The following RPS6KA5 variants were observed in gnomAD, a reference collection of about 807,000 sequenced individuals.
The protein encoded by RPS6KA5 is ribosomal protein S6 kinase alpha-5.
In RPS6KA5, 27 loss-of-function variants were observed where a neutral mutation model predicts 85.5. That is an observed-to-expected ratio of 0.32 (90% CI 0.23 to 0.44). The LOEUF (loss-of-function observed/expected upper bound fraction) is 0.44. Among genes scored for constraint, RPS6KA5 ranks in the 20% least tolerant of loss-of-function variants. The pLI is 1.00. For synonymous variants in RPS6KA5, 334 were observed against 348.2 expected, an observed-to-expected ratio of 0.96 and a Z score of 0.46; for missense variants, 811 against 980.9, an observed-to-expected ratio of 0.83 and a Z score of 2.31.
chr14:90,959,581 C>T (rs987393001), intron 3 of RPS6KA5, among the ~76,000 whole-genome samples: 1 of 152,106 alleles, frequency 6.6e-6, no homozygotes, highest in African/African-American at 2.4e-5. Flanking sequence ...TTGGAAGGGG[C>T]TATCCAGAGT....
intron 2 of RPS6KA5, among the ~76,000 whole-genome samples, chr14:90,999,769 C>T (rs2040700970): frequency 6.6e-6 from 1 of 152,190 alleles, no homozygotes; most frequent in Non-Finnish European, 1.5e-5. Flanking sequence ...AAACATGGGG[C>T]TCTTCTACAT....
At chr14:90,944,404 C>G (rs2037757814) in intron 4 of RPS6KA5, among the ~76,000 whole-genome samples, 1 of 151,644 alleles carries the variant, frequency 6.6e-6, no homozygotes, top group Non-Finnish European at 1.5e-5. Context: ...TCACTTGAAT[C>G]TGGGAGTTCA....
chr14:91,014,933 G>A (rs1254271347), intron 1 of RPS6KA5, among the ~76,000 whole-genome samples: 1 of 152,152 alleles, frequency 6.6e-6, no homozygotes, highest in African/African-American at 2.4e-5. Context: ...ATTTCCAAAT[G>A]AAGATGCCAA....
chr14:90,889,672 A>G (rs2034442708), intron 14 of RPS6KA5, among the ~76,000 whole-genome samples: 1 of 152,348 alleles, frequency 6.6e-6, no homozygotes, highest in African/African-American at 2.4e-5. Flanking sequence ...AAATGGTTAC[A>G]TAAGTTTCAG....
chr14:91,054,219 C>T (rs1227002340), intron 1 of RPS6KA5, among the ~76,000 whole-genome samples: 1 of 151,832 alleles, frequency 6.6e-6, no homozygotes, highest in African/African-American at 2.4e-5. Flanking sequence ...CTAAATGTAA[C>T]AGCTAAAGCC....
chr14:90,878,693 T>C (rs950743041), intron 14 of RPS6KA5, among the ~76,000 whole-genome samples: 1 of 152,220 alleles, frequency 6.6e-6, no homozygotes, highest in African/African-American at 2.4e-5. Context: ...AGGGACATAA[T>C]GAAACATCCT....
In RPS6KA5 at chr14:91,055,445, TCAA is replaced by T. The variant is rs960468257; in HGVS notation, c.103+4884_103+4886del. Among the ~76,000 whole-genome samples the T allele has an allele frequency of 5.5e-4, 84 of 152,232 alleles. 1 individual carries two copies. The highest frequency in any genetic ancestry group is 1.8e-3 in the African/African-American group (76 of 41,548). ...TATCTATACAATGGAACACAATTTATCAACAACAACAACAAAATGAAGTACTGA... is the reference window on the plus strand; with the variant it reads ...TATCTATACAATGGAACACAATTTATCAACAACAACAAAATGAAGTACTGA... On this transcript the variant is annotated intron_variant, in intron 1 of 16. Coordinates refer to ENST00000614987, the MANE Select transcript of RPS6KA5 (RefSeq NM_004755.4).
At chr14:91,000,127 C>A (rs1001130179) in intron 2 of RPS6KA5, among the ~76,000 whole-genome samples, 4 of 152,138 alleles carry the variant, frequency 2.6e-5, no homozygotes, top group Admixed American at 1.3e-4. Context: ...TTTCTGCATA[C>A]AAATATACAC....
chr14:91,048,290 T>G (rs1411494665), intron 1 of RPS6KA5, among the ~76,000 whole-genome samples: 1 of 152,218 alleles, frequency 6.6e-6, no homozygotes, highest in African/African-American at 2.4e-5. Flanking sequence ...AAATTCACTT[T>G]CTATATTCCA....
At position 90,868,383 on chromosome 14, in the gene RPS6KA5, T is replaced by C. The variant is rs927862520; in HGVS notation, c.*3691A>G. The C allele has an allele frequency of 5.3e-5, 8 of 152,156 alleles. No homozygotes were observed. The highest frequency in any genetic ancestry group is 1.7e-4 in the African/African-American group (7 of 41,432). The allele number at this position is 152,156 out of a possible 1,614,324, so 9.4% of individuals were successfully genotyped here. ...ATACAATCAATTAAAGACTGGAAAT[T>C]GGGGTATTATCATGTAAGACATTTG... is the stretch of plus-strand genomic sequence containing the variant. On this transcript the variant is annotated 3_prime_UTR_variant, in exon 17 of 17. Transcript: ENST00000614987.
chr14:90,875,172 T>C (rs1325545422), intron 15 of RPS6KA5, 29 bp downstream of exon 15: 1 of 1,596,898 alleles, frequency 6.3e-7, no homozygotes, highest in Non-Finnish European at 8.5e-7. Context: ...ACACATCATA[T>C]AAAATGTAAA....
intron 3 of RPS6KA5, among the ~76,000 whole-genome samples, chr14:90,951,390 G>A (rs2140383943): frequency 6.6e-6 from 1 of 151,574 alleles, no homozygotes; most frequent in South Asian, 2.1e-4. Context: ...GGAGGCTGAG[G>A]CAGGAGAATG....
chr14:91,017,108 A>G (rs577166140), intron 1 of RPS6KA5, among the ~76,000 whole-genome samples: 3 of 152,278 alleles, frequency 2.0e-5, no homozygotes, highest in Non-Finnish European at 4.4e-5. Flanking sequence ...ATGGACTTCT[A>G]CTCACCAAGG....
At chr14:90,996,221 G>A (rs1482872405) in intron 2 of RPS6KA5, among the ~76,000 whole-genome samples, 1 of 146,874 alleles carries the variant, frequency 6.8e-6, no homozygotes, top group Admixed American at 6.8e-5. Context: ...TTTTTCAGTA[G>A]AGATGAAGTC....
At chr14:90,898,731 A>C (rs903181643) in intron 12 of RPS6KA5, among the ~76,000 whole-genome samples, 1 of 152,194 alleles carries the variant, frequency 6.6e-6, no homozygotes, top group Non-Finnish European at 1.5e-5. Flanking sequence ...AGGTGAACAG[A>C]CACGAACTGG....
chr14:90,923,268 C>G (rs756723229), intron 5 of RPS6KA5, 72 bp from the exon 6 acceptor site: 2 of 1,202,638 alleles, frequency 1.7e-6, no homozygotes, highest in South Asian at 2.4e-5. Context: ...GAAAGTAATA[C>G]ATGTTAGTGG....
At chr14:90,965,349 G>A (rs1014831945) in intron 3 of RPS6KA5, among the ~76,000 whole-genome samples, 1 of 152,136 alleles carries the variant, frequency 6.6e-6, no homozygotes, top group African/African-American at 2.4e-5. Context: ...ACTACAGCCT[G>A]AGCGACAGAG....
chr14:91,003,036 A>G (rs2040852969), intron 1 of RPS6KA5, among the ~76,000 whole-genome samples: 1 of 152,220 alleles, frequency 6.6e-6, no homozygotes, highest in African/African-American at 2.4e-5. Context: ...AGCCAAACTC[A>G]TAAGAGACAA....
rs769535940 is a variant in RPS6KA5 at position 90,873,670 on chromosome 14, C to T, written c.2122G>A (p.Gly708Arg). 8.7e-6 allele frequency: 14 copies of T among 1,614,126 alleles called. No individual in the cohort carries two copies. The highest frequency in any genetic ancestry group is 1.3e-5 in the African/African-American group (1 of 75,032). The change falls in exon 16 of 17, where the codon GGA becomes AGA. Residue 708 changes from glycine (G) to arginine (R), a missense_variant. Gly to Arg is a moderately radical substitution (Grantham distance 125). This residue lies in a region of RPS6KA5 where 650 missense variants were observed against 793.4 expected (regional missense o/e 0.82). Coordinates refer to ENST00000614987, the MANE Select transcript of RPS6KA5 (RefSeq NM_004755.4). The stretch of plus-strand genomic sequence containing the variant: ...TTCACACAGGTATGCACGGCAGCTC[C>T]GGAAGATCCTAGAATATCCGGAGTC... ...LMTPDILGSS[G>R]AAVHTCVKAT...
Sources: allele counts gnomAD v4.1 joint callset (sites outside exome capture counted in the v4.1 genomes callset), GRCh38; gene constraint gnomAD v4.1.1; regional missense constraint gnomAD v4.1.1; transcripts MANE v1.5; gene names NCBI Gene and HGNC (gene_info 2026-07-23, HGNC 2026-07-21).